The following EMC1 variants were observed in gnomAD, a reference collection of about 807,000 sequenced individuals.
EMC1 encodes the protein KIAA0090.
Under a neutral mutation model 128.8 loss-of-function variants are expected in EMC1, and 103 were observed. The observed-to-expected ratio is 0.80, with a 90% CI of 0.68 to 0.94. The LOEUF (loss-of-function observed/expected upper bound fraction) is 0.94. EMC1 is among the 40% of genes least tolerant of loss of function. EMC1 has a pLI of 0.00. For synonymous variants in EMC1, 442 were observed against 490.4 expected (o/e 0.90, Z 1.30); for missense variants, 1,083 against 1,250.6 (o/e 0.87, Z 2.02).
At chr1:19,224,676 T>G (rs1433405683) in intron 18 of EMC1, among the ~76,000 whole-genome samples, 1 of 152,174 alleles carries the variant, frequency 6.6e-6, no homozygotes, top group African/African-American at 2.4e-5. Flanking sequence ...CAGTCTAATC[T>G]AGGTCAAATG....
Position 19,240,429 on chromosome 1 carries a change from C to A in EMC1, c.654G>T (p.Pro218=). 3 of 1,614,164 alleles carry A rather than the reference C, an allele frequency of 1.9e-6. No individual in the cohort carries two copies. The highest frequency in any genetic ancestry group is 2.2e-5 in the South Asian group (2 of 91,080). ...EIVQQVRVST[P]WLQHLSGACG... is the part of the protein sequence containing the mutation. ...AGGCTCCAGACAGGTGCTGCAGCCACGGAGTTGAAACCCTAACCTACAGAA... is the reference window on the plus strand; with the variant it reads ...AGGCTCCAGACAGGTGCTGCAGCCAAGGAGTTGAAACCCTAACCTACAGAA... Residue 218 remains proline, a synonymous_variant, in exon 7 of 23, where the codon CCG becomes CCT. Transcript: ENST00000477853.
intron 20 of EMC1, chr1:19,221,095 T>A (rs1052068397): frequency 3.1e-6 from 1 of 323,070 alleles, no homozygotes; most frequent in Admixed American, 4.7e-5. Flanking sequence ...AATCAAGATA[T>A]GGATAATGAT....
At chr1:19,248,898 A>G (rs1445331750) in intron 1 of EMC1, among the ~76,000 whole-genome samples, 1 of 152,216 alleles carries the variant, frequency 6.6e-6, no homozygotes, top group Non-Finnish European at 1.5e-5. Context: ...AAGATATAAG[A>G]AAAATATTAT....
rs549890473 is a variant in EMC1, at chr1:19,244,995, G to A, written c.131C>T (p.Ser44Phe). Residue 44 changes from serine (S) to phenylalanine (F), a missense_variant, in exon 2 of 23, where the codon TCC (serine) becomes TTC (phenylalanine). Physicochemically the swap from Ser to Phe is radical, Grantham distance 155. Transcript: ENST00000477853. ...CTTGGATCCAGGGGAAAATTCCAAG[G>A]AGGCAAACTTGACCTTCCCAACATA... ...QQYVGKVKFA[S>F]LEFSPGSKKL... The A allele has an allele frequency of 1.2e-6, 2 of 1,613,966 alleles. No homozygotes were observed. The highest frequency in any genetic ancestry group is 2.7e-5 in the African/African-American group (2 of 75,022).
At position 19,232,613 on chromosome 1, in the gene EMC1, G is replaced by C. The variant is rs556317716; in HGVS notation, c.1782+11C>G. 130 of 1,613,948 alleles carry C rather than the reference G, an allele frequency of 8.1e-5. 2 individuals carry two copies. The South Asian group carries it at 1.3e-3, about 16-fold the overall frequency. ...ACTGAGTCTGGCTCAAGTCAGAGCTGGATGCCTCACCTTGTCCTTCACCAG... is the reference window on the plus strand; with the variant it reads ...ACTGAGTCTGGCTCAAGTCAGAGCTCGATGCCTCACCTTGTCCTTCACCAG... On this transcript the variant is annotated intron_variant, in intron 15 of 22. Coordinates refer to ENST00000477853, the MANE Select transcript of EMC1 (RefSeq NM_015047.3).
chr1:19,236,737 G>A (rs2093567240), intron 12 of EMC1, among the ~76,000 whole-genome samples: 1 of 151,626 alleles, frequency 6.6e-6, no homozygotes, highest in Admixed American at 6.6e-5. Context: ...GGAGGCCGAG[G>A]CAGGCGGATC....
intron 1 of EMC1, among the ~76,000 whole-genome samples, chr1:19,246,180 C>A (rs942162132): frequency 4.6e-5 from 7 of 151,954 alleles, no homozygotes; most frequent in Non-Finnish European, 7.4e-5. Context: ...CATTTAAGAT[C>A]AGGAGTTCGA....
At position 19,233,246 on chromosome 1, in the gene EMC1, C is replaced by T. The variant is rs999097995; in HGVS notation, c.1433-111G>A. ...CTCTCCTCTGGAGCAATAAAGTCCA[C>T]ACTCTAGGCCACAAGCCCAAAGGGC... is the stretch of plus-strand genomic sequence containing the variant. On this transcript the variant is annotated intron_variant, in intron 13 of 22. Transcript: ENST00000477853. 6.7e-6 allele frequency: 6 copies of T among 889,860 alleles called. No homozygotes were observed. In the African/African-American group the frequency reaches 8.4e-5, roughly 12 times the overall value. The allele number at this position is 889,860 out of a possible 1,614,324, so 55.1% of individuals were successfully genotyped here. A position where few individuals can be genotyped will look rare whatever the true frequency, so the allele number is the denominator to read the frequency against.
chr1:19,237,132 G>C lies in EMC1; in HGVS notation c.1309+10C>G, dbSNP rs767219204. 1.2e-6 allele frequency: 2 copies of C among 1,603,894 alleles called. No individual in the cohort carries two copies. The highest frequency in any genetic ancestry group is 2.7e-5 in the African/African-American group (2 of 74,692). ...GAAATAAAAAAATGGGTTGAATGAG[G>C]TCTACTTACCCAACTGCTGCAGGAA... On this transcript the variant is annotated intron_variant, in intron 12 of 22. Transcript: ENST00000477853.
intron 9 of EMC1, 49 bp from the exon 10 acceptor site, chr1:19,238,906 C>G: frequency 7.9e-7 from 1 of 1,267,320 alleles, no homozygotes; most frequent in Non-Finnish European, 1.2e-6. Flanking sequence ...GGGTCACTTC[C>G]CAGTCACTGA....
chr1:19,226,670 C>A lies in EMC1; in HGVS notation c.2202+643G>T, dbSNP rs188169528. Among the ~76,000 whole-genome samples the A allele has an allele frequency of 4.4e-3, 669 of 152,008 alleles. 3 individuals are homozygous for A. The highest frequency in any genetic ancestry group is 0.015 in the African/African-American group (617 of 41,490). ...CCCCAGGCTCAGGTGATCCTCCTAC[C>A]TCAGCCTCCCGAGTAGCTGAGACCA... On this transcript the variant is annotated intron_variant, in intron 18 of 22. Transcript: ENST00000477853.
At chr1:19,229,160 C>A (rs1243679596) in intron 17 of EMC1, among the ~76,000 whole-genome samples, 1 of 152,182 alleles carries the variant, frequency 6.6e-6, no homozygotes, top group African/African-American at 2.4e-5. Flanking sequence ...ACAGGCTTTC[C>A]ACCTGGGGAG....
intron 1 of EMC1, 105 bp from the exon 2 acceptor site, chr1:19,245,135 G>A: frequency 7.7e-7 from 1 of 1,294,824 alleles, no homozygotes; most frequent in Non-Finnish European, 1.1e-6. Flanking sequence ...TTCATTTTAG[G>A]ACACATAAGA....
intron 15 of EMC1, among the ~76,000 whole-genome samples, chr1:19,231,862 A>G (rs2093525145): frequency 6.6e-6 from 1 of 152,102 alleles, no homozygotes; most frequent in African/African-American, 2.4e-5. Context: ...GACTCAAGCA[A>G]TCCGCCCTCC....
intron 13 of EMC1, among the ~76,000 whole-genome samples, chr1:19,234,910 T>C (rs1572006786): frequency 6.6e-6 from 1 of 152,260 alleles, no homozygotes; most frequent in Middle Eastern, 3.4e-3. Flanking sequence ...TTCCCTAGCT[T>C]TCCCTAGAAG....
intron 13 of EMC1, among the ~76,000 whole-genome samples, chr1:19,233,515 G>T (rs2093540102): frequency 6.6e-6 from 1 of 152,346 alleles, no homozygotes; most frequent in South Asian, 2.1e-4. Flanking sequence ...GTATGAGTGT[G>T]GGGGTGGAGG....
intron 6 of EMC1, chr1:19,240,738 A>G: frequency 5.2e-6 from 3 of 572,570 alleles, no homozygotes; most frequent in Non-Finnish European, 9.3e-6. Flanking sequence ...TATATTTGCC[A>G]TATGTGGTGT....
chr1:19,250,561 C>G (rs1028681464), intron 1 of EMC1, among the ~76,000 whole-genome samples: 12 of 152,110 alleles, frequency 7.9e-5, no homozygotes, highest in African/African-American at 2.9e-4. Context: ...TTTTCCAAGA[C>G]AGAAAATACT....
At chr1:19,231,466 G>A in intron 15 of EMC1, 44 bp from the exon 16 acceptor site, 1 of 1,585,828 alleles carries the variant, frequency 6.3e-7, no homozygotes, top group Non-Finnish European at 8.6e-7. Flanking sequence ...AGAAAAGACT[G>A]CAAATCCTAG....
Sources: gnomAD v4.1 joint callset for allele counts (sites outside exome capture counted in the v4.1 genomes callset) on GRCh38, gnomAD v4.1.1 for gene constraint, MANE v1.5 for transcripts, NCBI Gene and HGNC (gene_info 2026-07-23, HGNC 2026-07-21) for gene names.